Variants in NBAS observed in about 807,000 individuals in gnomAD.
NBAS encodes NAG/BC035112 fusion.
A neutral mutation model predicts 302.5 loss-of-function variants in NBAS; 219 were observed. The observed-to-expected ratio is 0.72, with a 90% confidence interval of 0.65 to 0.81. The LOEUF is 0.81. Among genes scored for constraint, NBAS ranks in the 30% least tolerant of loss-of-function variants. NBAS has a pLI of 0.00. For missense variants in NBAS, 2,932 were observed against 2,841.6 expected, an observed-to-expected ratio of 1.03 and a Z score of -0.72; for synonymous variants, 1,118 against 1,021.6, an observed-to-expected ratio of 1.09 and a Z score of -1.80.
chr2:14,981,870 A>G, the NBAS span, among the ~76,000 whole-genome samples: 1 of 152,302 alleles, frequency 6.6e-6, no homozygotes, highest in South Asian at 2.1e-4. Context: ...TGTTACCCTA[A>G]CATGGTAGCT....
At chr2:15,310,720 C>T (rs1285996173) in intron 38 of NBAS, among the ~76,000 whole-genome samples, 2 of 152,184 alleles carry the variant, frequency 1.3e-5, no homozygotes, top group Admixed American at 6.5e-5. Context: ...GAAACCTGGG[C>T]CCTCACCCAT....
At chr2:15,037,824 T>A in the NBAS span, among the ~76,000 whole-genome samples, 1 of 151,978 alleles carries the variant, frequency 6.6e-6, no homozygotes, top group African/African-American at 2.4e-5. Context: ...CAGTAAAAAG[T>A]TAATTCAGTC....
In NBAS at chr2:15,415,641, C is replaced by G; in HGVS notation, c.2842G>C (p.Gly948Arg). 1 of 1,614,108 alleles carries G rather than the reference C, an allele frequency of 6.2e-7. No homozygotes were observed. Among genetic ancestry groups the G allele is most frequent in the East Asian group, 2.2e-5 (1 of 44,874 alleles). Residue 948 changes from glycine to arginine, a missense_variant, in exon 25 of 52, where the codon GGT becomes CGT. Physicochemically the swap from Gly to Arg is moderately radical, Grantham distance 125 (BLOSUM62 -2). Coordinates refer to ENST00000281513, the MANE Select transcript of NBAS (RefSeq NM_015909.4). The stretch of plus-strand genomic sequence containing the variant: ...TCTTTTAATAGCTCATTAGCCACAC[C>G]AGGCGACTGTTTCTCACAACGATGA... ...FLHRCEKQSPGVANELLKEYL... is the reference protein window; with the variant it reads ...FLHRCEKQSPRVANELLKEYL...
In NBAS at chr2:15,234,600, T is replaced by A. The variant is rs1446823900; in HGVS notation, c.6091A>T (p.Ile2031Phe). The A allele has an allele frequency of 1.2e-6, 2 of 1,614,156 alleles. No homozygotes were observed. Among genetic ancestry groups the A allele is most frequent in the East Asian group, 4.5e-5 (2 of 44,882 alleles). The part of the protein sequence containing the change: ...LLEVAVGPLD[I>F]SPKDIVQSAI... ...CTCTGCACTATATCCTTGGGTGAGA[T>A]GTCAAGAGGGCCAACTGCCACCTCT... is the stretch of plus-strand genomic sequence containing the variant. Residue 2031 changes from isoleucine to phenylalanine, a missense_variant, in exon 46 of 52, where the codon ATC becomes TTC. Transcript: ENST00000281513.
At chr2:15,554,247 G>C (rs1664536010) in intron 3 of NBAS, 109 bp from the exon 4 acceptor site, 2 of 965,654 alleles carry the variant, frequency 2.1e-6, no homozygotes, top group African/African-American at 1.6e-5. Context: ...TTTTCCATTA[G>C]AATATAAAAT....
At chr2:15,269,528 C>G (rs1391207535) in intron 44 of NBAS, among the ~76,000 whole-genome samples, 1 of 152,092 alleles carries the variant, frequency 6.6e-6, no homozygotes, top group East Asian at 1.9e-4. Context: ...AACTTTCAAG[C>G]AAAAATTCAA....
chr2:15,402,170 A>G lies in NBAS; in HGVS notation c.3069T>C (p.Tyr1023=). ...DLLECLPERG[Y]GDKTEATTKL... is the part of the protein sequence containing the mutation. Reference sequence around the variant, plus strand: ...ACTGGCATACTGTGTATTCTTACCCATATCCTCTTTCTGGCAGACATTCTA... The same window carrying G: ...ACTGGCATACTGTGTATTCTTACCCGTATCCTCTTTCTGGCAGACATTCTA... Residue 1023 remains tyrosine, a splice_region_variant and synonymous_variant, in exon 26 of 52, where the codon TAT becomes TAC. Coordinates refer to ENST00000281513, the MANE Select transcript of NBAS (RefSeq NM_015909.4). 6.2e-7 allele frequency: 1 copy of G among 1,613,504 alleles called. No homozygotes were observed. The highest frequency in any genetic ancestry group is 8.5e-7 in the Non-Finnish European group (1 of 1,179,554).
At chr2:15,064,237 G>T in the NBAS span, among the ~76,000 whole-genome samples, 1 of 150,184 alleles carries the variant, frequency 6.7e-6, no homozygotes, top group Non-Finnish European at 1.5e-5. Flanking sequence ...AACTGAGTTG[G>T]TTTCCTGAAA....
intron 49 of NBAS, among the ~76,000 whole-genome samples, chr2:15,188,229 G>C (rs1665178290): frequency 6.6e-6 from 1 of 152,118 alleles, no homozygotes. Context: ...TTCCTACAAG[G>C]AACTAAAGCT....
intron 30 of NBAS, among the ~76,000 whole-genome samples, chr2:15,375,047 T>A (rs1278495453): frequency 2.0e-5 from 3 of 152,148 alleles, no homozygotes; most frequent in Admixed American, 6.5e-5. Context: ...AATGCAAACA[T>A]TATGATTCTA....
At chr2:15,067,094 G>A in the NBAS span, among the ~76,000 whole-genome samples, 10 of 148,994 alleles carry the variant, frequency 6.7e-5, no homozygotes, top group Non-Finnish European at 1.3e-4. Flanking sequence ...AGGCCAAGGC[G>A]GGTGGATTAC....
intron 42 of NBAS, among the ~76,000 whole-genome samples, chr2:15,281,814 A>C (rs1220047896): frequency 6.6e-6 from 1 of 152,194 alleles, no homozygotes; most frequent in Non-Finnish European, 1.5e-5. Flanking sequence ...TGCCACTATC[A>C]GGCGTTTCTG....
Position 15,275,594 on chromosome 2 carries a change from C to G in NBAS, c.5614G>C (p.Glu1872Gln). 1 of 1,614,130 alleles carries G rather than the reference C, an allele frequency of 6.2e-7. No individual in the cohort carries two copies. Among genetic ancestry groups the G allele is most frequent in the Non-Finnish European group, 8.5e-7 (1 of 1,180,004 alleles). The change falls in exon 44 of 52, where the codon GAG becomes CAG. Residue 1872 changes from glutamate to glutamine, a missense_variant. Coordinates refer to ENST00000281513, the MANE Select transcript of NBAS (RefSeq NM_015909.4). ...LIKQVPGSSP[E>Q]WLHAYDVCMK... Reference sequence around the variant, plus strand: ...CAGACATCATAGGCATGAAGCCACTCCGGTGAAGAGCCTGGGACTTGTTTA... The same window carrying G: ...CAGACATCATAGGCATGAAGCCACTGCGGTGAAGAGCCTGGGACTTGTTTA...
the NBAS span, among the ~76,000 whole-genome samples, chr2:14,805,361 G>T: frequency 2.0e-5 from 3 of 152,194 alleles, no homozygotes; most frequent in Admixed American, 1.3e-4. Context: ...AGACAAAAGA[G>T]ATGAGGGTAA....
At chr2:15,107,141 AGGAGAC>A in the NBAS span, among the ~76,000 whole-genome samples, 1 of 152,112 alleles carries the variant, frequency 6.6e-6, no homozygotes, top group Non-Finnish European at 1.5e-5. Flanking sequence ...TAGGGTTCTT[AGGAGAC>A]AATTAAGTTT....
At chr2:14,787,634 A>G in the NBAS span, among the ~76,000 whole-genome samples, 2 of 152,176 alleles carry the variant, frequency 1.3e-5, no homozygotes, top group African/African-American at 4.8e-5. Flanking sequence ...TTCTTTATGA[A>G]TGTTGGATAT....
intron 48 of NBAS, among the ~76,000 whole-genome samples, chr2:15,194,324 C>A (rs1665507733): frequency 6.6e-6 from 1 of 151,962 alleles, no homozygotes; most frequent in Non-Finnish European, 1.5e-5. Context: ...AACAACGTTA[C>A]CTATAGGAGA....
chr2:15,443,055 G>C (rs928407635), intron 21 of NBAS, among the ~76,000 whole-genome samples: 2 of 151,530 alleles, frequency 1.3e-5, no homozygotes, highest in African/African-American at 2.4e-5. Flanking sequence ...TGGATTCACA[G>C]CCGAATTCTA....
the NBAS span, among the ~76,000 whole-genome samples, chr2:14,835,985 T>A: frequency 2.0e-5 from 3 of 151,982 alleles, no homozygotes; most frequent in Admixed American, 2.0e-4. Context: ...ATTGGGTGCC[T>A]TTCTAATTTC....
Sources: gnomAD v4.1 joint callset for allele counts (sites outside exome capture counted in the v4.1 genomes callset) on GRCh38, gnomAD v4.1.1 for gene constraint, MANE v1.5 for transcripts, NCBI Gene and HGNC (gene_info 2026-07-23, HGNC 2026-07-21) for gene names.